Variants in ZBTB4 observed in about 807,000 individuals in gnomAD.
The protein encoded by ZBTB4 is zinc finger and BTB domain containing 4.
ZBTB4 carries 14 observed loss-of-function variants against 59.8 expected under a neutral mutation model. That is an observed-to-expected ratio of 0.23 (90% confidence interval 0.15 to 0.37). The LOEUF is 0.37. Among genes scored for constraint, ZBTB4 ranks in the 10% least tolerant of loss-of-function variants. The pLI, the probability that ZBTB4 is intolerant of heterozygous loss-of-function variation, is 1.00. For missense variants in ZBTB4, 1,198 were observed against 1,380.8 expected, an observed-to-expected ratio of 0.87 and a Z score of 2.10; for synonymous variants, 587 against 575.2, an observed-to-expected ratio of 1.02 and a Z score of -0.29.
chr17:7,468,445 A>G lies in ZBTB4; in HGVS notation c.-80-1118T>C, dbSNP rs547411612. Among the ~76,000 whole-genome samples, 12 of 152,320 alleles carry G rather than the reference A, an allele frequency of 7.9e-5. No homozygotes were observed. In the South Asian group the frequency reaches 2.5e-3, roughly 32 times the overall value. On this transcript the variant is annotated intron_variant, in intron 1 of 3. Coordinates refer to ENST00000380599, the MANE Select transcript of ZBTB4 (RefSeq NM_001128833.2). ...CGCAAGCTCAGGCAGTCAGCAGCAG[A>G]GAAAGCACCGCGCAGCCACCTTCCC...
rs908713499 is a variant in ZBTB4, at chr17:7,462,707, G to A, written c.2275C>T (p.Arg759Trp). ...GGGSHSSRAGRRPSTRFTCPH... is the reference protein window; with the variant it reads ...GGGSHSSRAGWRPSTRFTCPH... ...CAGGTAAAGCGGGTGGAGGGCCTCC[G>A]TCCGGCCCGGGAGCTGTGGGAGCCC... Residue 759 changes from arginine to tryptophan, a missense_variant, in exon 4 of 4, where the codon CGG becomes TGG. Physicochemically the swap from Arg to Trp is moderately radical, Grantham distance 101. Around this residue, in one of 9 missense-constraint regions of ZBTB4, gnomAD observed 550 missense variants for 541.8 expected, o/e 1.02. Transcript: ENST00000380599. This position sits in a 1 kb window ranked among gnomAD's most constrained non-coding sequence, Gnocchi z 7.5. The A allele has an allele frequency of 6.9e-6, 11 of 1,604,474 alleles. No individual in the cohort carries two copies. In the East Asian group the frequency reaches 8.9e-5, roughly 13 times the overall value.
At chr17:7,468,699 G>A (rs906233763) in intron 1 of ZBTB4, among the ~76,000 whole-genome samples, 6 of 152,122 alleles carry the variant, frequency 3.9e-5, no homozygotes, top group Non-Finnish European at 5.9e-5. Context: ...CGTGGGCCAC[G>A]TGTCTTCAGA....
Position 7,462,066 on chromosome 17 carries a change from C to T in ZBTB4, c.2916G>A (p.Val972=). ...PFLPGVFGYA[V]NPQAAPPAPP... The stretch of plus-strand genomic sequence containing the variant: ...GGGCAGGGGGTGCTGCTTGAGGATT[C>T]ACTGCGTAGCCAAAGACCCCTGGTA... Residue 972 remains valine, a synonymous_variant, in exon 4 of 4, where the codon GTG becomes GTA. Coordinates refer to ENST00000380599, the MANE Select transcript of ZBTB4 (RefSeq NM_001128833.2). The surrounding 1 kb of genome is among the most constrained non-coding windows in gnomAD (Gnocchi z 7.5). 6.3e-7 allele frequency: 1 copy of T among 1,598,302 alleles called. No homozygotes were observed. Among genetic ancestry groups the T allele is most frequent in the Non-Finnish European group, 8.5e-7 (1 of 1,171,924 alleles).
At chr17:7,477,045 G>T (rs1026774941) in intron 1 of ZBTB4, among the ~76,000 whole-genome samples, 1 of 152,186 alleles carries the variant, frequency 6.6e-6, no homozygotes, top group African/African-American at 2.4e-5. Flanking sequence ...AAAAAGGGAG[G>T]TAGAGTGCCT....
At chr17:7,482,901 C>T (rs2070365603), upstream of ZBTB4, 1 of 1,612,004 alleles carries the variant, frequency 6.2e-7, no homozygotes, top group South Asian at 1.1e-5. Context: ...GAGACTGTGG[C>T]ACCTTCTGAC....
chr17:7,482,589 C>A, upstream of ZBTB4: 2 of 1,612,202 alleles, frequency 1.2e-6, no homozygotes, highest in Non-Finnish European at 1.7e-6. Flanking sequence ...GGAGGACTGG[C>A]GCTGTCCCTG....
intron 3 of ZBTB4, among the ~76,000 whole-genome samples, chr17:7,464,445 A>C (rs529865053): frequency 4.6e-5 from 7 of 151,216 alleles, no homozygotes; most frequent in African/African-American, 1.2e-4. Context: ...AAAAAAAAAA[A>C]AAAAAAACCT....
intron 3 of ZBTB4, among the ~76,000 whole-genome samples, chr17:7,464,973 G>A (rs1285855315): frequency 8.6e-5 from 13 of 150,822 alleles, no homozygotes; most frequent in South Asian, 6.3e-4. Context: ...TGGCTAACAC[G>A]GTGAAACCCC....
chr17:7,461,896 C>G lies in ZBTB4; in HGVS notation c.*44G>C, dbSNP rs755152252. 1 of 1,498,992 alleles carries G rather than the reference C, an allele frequency of 6.7e-7. No individual in the cohort carries two copies. Among genetic ancestry groups the G allele is most frequent in the South Asian group, 1.3e-5 (1 of 74,826 alleles). The allele number at this position is 1,498,992 out of a possible 1,614,324, so 92.9% of individuals were successfully genotyped here. On this transcript the variant is annotated 3_prime_UTR_variant, in exon 4 of 4. Coordinates refer to ENST00000380599, the MANE Select transcript of ZBTB4 (RefSeq NM_001128833.2). Reference sequence around the variant, plus strand: ...AGGGAGCTGGTAGTGGTGGGGGGTTCAGGGAGGGTGGCATCTGGTGAAAGG... The same window carrying G: ...AGGGAGCTGGTAGTGGTGGGGGGTTGAGGGAGGGTGGCATCTGGTGAAAGG...
At chr17:7,471,714 G>A (rs540718404) in intron 1 of ZBTB4, among the ~76,000 whole-genome samples, 1 of 152,288 alleles carries the variant, frequency 6.6e-6, no homozygotes, top group East Asian at 1.9e-4. Flanking sequence ...CTGTTTCTTT[G>A]TCCATACGGT....
intron 1 of ZBTB4, among the ~76,000 whole-genome samples, chr17:7,473,237 G>A (rs1435112490): frequency 2.7e-5 from 4 of 150,084 alleles, no homozygotes; most frequent in South Asian, 2.1e-4. Flanking sequence ...CTCAGCCTCC[G>A]GAGTAGCTGG....
chr17:7,481,910 C>A, upstream of ZBTB4: 1 of 1,520,454 alleles, frequency 6.6e-7, no homozygotes, highest in East Asian at 2.3e-5. Context: ...GGTCCCAGAC[C>A]CCATCCTGGC....
intron 1 of ZBTB4, among the ~76,000 whole-genome samples, chr17:7,473,868 C>A (rs917342778): frequency 6.6e-6 from 1 of 151,962 alleles, no homozygotes; most frequent in South Asian, 2.1e-4. Context: ...TTATTTATCT[C>A]TGGAATGTAA....
Position 7,466,923 on chromosome 17 carries a change from G to A in ZBTB4, c.-9-113C>T, listed in dbSNP as rs2070136642. 7.0e-7 allele frequency: 1 copy of A among 1,426,624 alleles called. No homozygotes were observed. Among genetic ancestry groups the A allele is most frequent in the East Asian group, 2.5e-5 (1 of 39,914 alleles). 88.4% of individuals were successfully genotyped at this position (1,426,624 alleles called of 1,614,324 possible). A position where few individuals can be genotyped will look rare whatever the true frequency, so the allele number is the denominator to read the frequency against. ...AGCTGCTGGTCAGAAACTAGTGGAA[G>A]GCTGAATCACTTCTGGTCACAGAAG... On this transcript the variant is annotated intron_variant, in intron 2 of 3. Coordinates refer to ENST00000380599, the MANE Select transcript of ZBTB4 (RefSeq NM_001128833.2). The surrounding 1 kb of genome is among the most constrained non-coding windows in gnomAD (Gnocchi z 9.1).
chr17:7,464,036 C>G (rs553627705), intron 3 of ZBTB4, 146 bp from the exon 4 acceptor site: 3 of 1,402,046 alleles, frequency 2.1e-6, no homozygotes, highest in Non-Finnish European at 2.8e-6. Context: ...AGCCTCAGTG[C>G]AGGGTGCCCG....
chr17:7,479,303 G>A (rs2070312362), intron 1 of ZBTB4, among the ~76,000 whole-genome samples, 153 bp downstream of exon 1: 1 of 151,444 alleles, frequency 6.6e-6, no homozygotes. Context: ...GCCAGGCTCA[G>A]CCCCCGACCC....
chr17:7,475,985 A>G lies in ZBTB4; in HGVS notation c.-81+3471T>C, dbSNP rs537649783. 7.2e-5 allele frequency among the ~76,000 whole-genome samples: 11 copies of G among 152,114 alleles called. No homozygotes were observed. The East Asian group carries it at 1.7e-3, about 24-fold the overall frequency. On this transcript the variant is annotated intron_variant, in intron 1 of 3. Coordinates refer to ENST00000380599, the MANE Select transcript of ZBTB4 (RefSeq NM_001128833.2). ...TGCTAAATGTGTCATGTCTGACTCC[A>G]CCCTTTCCCTCACTTCCACATCCAG...
In ZBTB4 at chr17:7,465,702, A is replaced by T. The variant is rs1384940302; in HGVS notation, c.1091+9T>A. 6.3e-7 allele frequency: 1 copy of T among 1,584,758 alleles called. No homozygotes were observed. Among genetic ancestry groups the T allele is most frequent in the East Asian group, 2.2e-5 (1 of 44,450 alleles). On this transcript the variant is annotated intron_variant, in intron 3 of 3. Transcript: ENST00000380599. Reference sequence around the variant, plus strand: ...TCCAGCCGCTCCCCCGCCAGCCTGGATCACTCACCTGCGCTCCCCCGTGTG... The same window carrying T: ...TCCAGCCGCTCCCCCGCCAGCCTGGTTCACTCACCTGCGCTCCCCCGTGTG...
Position 7,466,779 on chromosome 17 carries a change from G to A in ZBTB4, c.23C>T (p.Thr8Met), listed in dbSNP as rs200372454. Reference protein sequence around the residue: MPPPAEVTDPSHAPAVLR... With the variant: MPPPAEVMDPSHAPAVLR... The stretch of plus-strand genomic sequence containing the variant: ...GACGGCGGGGGCATGGGACGGGTCC[G>A]TCACCTCTGCAGGGGGGGGCATGGT... The change falls in exon 3 of 4, where the codon ACG (threonine) becomes ATG (methionine). Residue 8 changes from threonine (T) to methionine (M), a missense_variant. Thr to Met is a moderately conservative substitution (Grantham distance 81, BLOSUM62 -1). Around this residue, in one of 9 missense-constraint regions of ZBTB4, gnomAD observed 44 missense variants for 86.2 expected, o/e 0.51. Coordinates refer to ENST00000380599, the MANE Select transcript of ZBTB4 (RefSeq NM_001128833.2). The surrounding 1 kb of genome is among the most constrained non-coding windows in gnomAD (Gnocchi z 9.1). 25 of 1,574,032 alleles carry A rather than the reference G, an allele frequency of 1.6e-5. No homozygotes were observed. In the East Asian group the frequency reaches 2.5e-4, roughly 16 times the overall value.
Sources: allele counts gnomAD v4.1 joint callset (sites outside exome capture counted in the v4.1 genomes callset), GRCh38; gene constraint gnomAD v4.1.1; regional missense constraint gnomAD v4.1.1; non-coding constraint Gnocchi (gnomAD v3.1); transcripts MANE v1.5; gene names NCBI Gene and HGNC (gene_info 2026-07-23, HGNC 2026-07-21).